Variants in CACNA2D3 observed in about 807,000 individuals in gnomAD.
CACNA2D3 encodes calcium voltage-gated channel auxiliary subunit alpha2delta 3.
Under a neutral mutation model 160.6 loss-of-function variants are expected in CACNA2D3, and 60 were observed. That is an observed-to-expected ratio of 0.37 (90% CI 0.30 to 0.46). The LOEUF (loss-of-function observed/expected upper bound fraction) is 0.46, where lower values mean the gene tolerates loss of function less well. Among genes scored for constraint, CACNA2D3 ranks in the 20% least tolerant of loss-of-function variants. The pLI is 1.00. For missense variants in CACNA2D3, 1,205 were observed against 1,365.0 expected (o/e 0.88, Z 1.85); for synonymous variants, 558 against 492.9 (o/e 1.13, Z -1.75).
At chr3:54,957,314 T>G (rs1701923872) in intron 27 of CACNA2D3, among the ~76,000 whole-genome samples, 2 of 148,322 alleles carry the variant, frequency 1.3e-5, no homozygotes, top group African/African-American at 5.3e-5. Flanking sequence ...ACTCAGCTAA[T>G]TTTTTAAAAC....
chr3:54,667,673 C>T (rs529834055), intron 11 of CACNA2D3, among the ~76,000 whole-genome samples: 272 of 152,212 alleles, frequency 1.8e-3, no homozygotes, highest in Non-Finnish European at 3.4e-3. Context: ...GGTCAGGTGC[C>T]GTGGCTCACG....
chr3:54,941,596 A>G (rs1356339811), intron 27 of CACNA2D3, among the ~76,000 whole-genome samples: 1 of 152,168 alleles, frequency 6.6e-6, no homozygotes, highest in Non-Finnish European at 1.5e-5. Context: ...TCCCCTCACA[A>G]TGCCCCATAT....
intron 17 of CACNA2D3, among the ~76,000 whole-genome samples, chr3:54,868,522 T>C (rs1333379505): frequency 6.6e-6 from 1 of 152,160 alleles, no homozygotes; most frequent in Non-Finnish European, 1.5e-5. Context: ...TGAGAGATTA[T>C]AAAAAACGAA....
intron 27 of CACNA2D3, among the ~76,000 whole-genome samples, chr3:54,937,243 T>G (rs1362267226): frequency 6.6e-6 from 1 of 152,194 alleles, no homozygotes; most frequent in Non-Finnish European, 1.5e-5. Context: ...AAGCTCTGTG[T>G]TTGGGAATGT....
At chr3:54,927,760 C>T (rs1291174250) in intron 27 of CACNA2D3, 1 of 876,526 alleles carries the variant, frequency 1.1e-6, no homozygotes, top group African/African-American at 1.7e-5. Flanking sequence ...AAACATAAAT[C>T]ATTCCATGCA....
chr3:55,071,029 T>C (rs976938575), intron 35 of CACNA2D3, among the ~76,000 whole-genome samples: 1 of 152,182 alleles, frequency 6.6e-6, no homozygotes, highest in African/African-American at 2.4e-5. Flanking sequence ...TCAGTTAGTA[T>C]ACTGTGATCA....
chr3:54,168,649 C>T (rs1700502468), intron 2 of CACNA2D3, among the ~76,000 whole-genome samples: 2 of 152,152 alleles, frequency 1.3e-5, no homozygotes, highest in African/African-American at 4.8e-5. Flanking sequence ...CTGTGGTTGG[C>T]CTAGGAGCAT....
rs371308549 is a variant in CACNA2D3 at position 54,459,041 on chromosome 3, C to T, written c.382-44451C>T. ...TGCGGTGTTTGGTTTTTCGTCCTTG[C>T]GATAGTTTACTGAGAATGATGATTT... On this transcript the variant is annotated intron_variant, in intron 4 of 37. Coordinates refer to ENST00000474759, the MANE Select transcript of CACNA2D3 (RefSeq NM_018398.3). 4.5e-3 allele frequency among the ~76,000 whole-genome samples: 683 copies of T among 152,028 alleles called. 5 individuals are homozygous for T. Among genetic ancestry groups the T allele is most frequent in the Non-Finnish European group, 7.6e-3 (520 of 67,978 alleles).
At chr3:54,528,614 T>TATTTCTTTTTTGGAAGGGTCA (rs1701761290) in intron 5 of CACNA2D3, among the ~76,000 whole-genome samples, 1 of 152,202 alleles carries the variant, frequency 6.6e-6, no homozygotes, top group Non-Finnish European at 1.5e-5. Context: ...GAACCTTACT[T>TATTTCTTTTTTGGAAGGGTCA]ATTTCTTTTT....
In CACNA2D3 at chr3:54,883,677, G is replaced by A. The variant is rs182848008; in HGVS notation, c.1913-1604G>A. 2.0e-5 allele frequency among the ~76,000 whole-genome samples: 3 copies of A among 152,190 alleles called. No individual in the cohort carries two copies. The East Asian group carries it at 5.8e-4, about 29-fold the overall frequency. ...TGGGAAGGTACAGTCCCTTCTCAGG[G>A]CCTTTGCACTTGTTATTCCTTCTGC... On this transcript the variant is annotated intron_variant, in intron 21 of 37. Coordinates refer to ENST00000474759, the MANE Select transcript of CACNA2D3 (RefSeq NM_018398.3).
intron 4 of CACNA2D3, among the ~76,000 whole-genome samples, chr3:54,470,247 A>G (rs990098062): frequency 1.3e-5 from 2 of 152,258 alleles, no homozygotes; most frequent in African/African-American, 2.4e-5. Flanking sequence ...CAGAAACCCT[A>G]TAAGCCAGAA....
At chr3:54,465,038 T>G (rs528375034) in intron 4 of CACNA2D3, among the ~76,000 whole-genome samples, 2 of 152,228 alleles carry the variant, frequency 1.3e-5, no homozygotes, top group Middle Eastern at 3.4e-3. Context: ...TTCTTTAATT[T>G]CTTTTCTTTT....
chr3:54,973,752 C>A (rs899374713), intron 29 of CACNA2D3, among the ~76,000 whole-genome samples: 1 of 152,110 alleles, frequency 6.6e-6, no homozygotes, highest in Admixed American at 6.5e-5. Flanking sequence ...CCTAGGTGAC[C>A]CCTCTGCAAT....
At chr3:54,877,390 G>A (rs1461677247) in intron 18 of CACNA2D3, among the ~76,000 whole-genome samples, 1 of 152,152 alleles carries the variant, frequency 6.6e-6, no homozygotes, top group Non-Finnish European at 1.5e-5. Flanking sequence ...GATGATGGAG[G>A]ATAGCTAGCA....
intron 2 of CACNA2D3, among the ~76,000 whole-genome samples, chr3:54,310,977 C>T (rs2107499286): frequency 6.6e-6 from 1 of 152,250 alleles, no homozygotes; most frequent in African/African-American, 2.4e-5. Flanking sequence ...GTCCCTGGTC[C>T]TCGGCACCAT....
At chr3:54,986,640 T>A (rs1056897295) in intron 30 of CACNA2D3, among the ~76,000 whole-genome samples, 1 of 152,178 alleles carries the variant, frequency 6.6e-6, no homozygotes, top group African/African-American at 2.4e-5. Flanking sequence ...GTGGTTGAGG[T>A]CACTCAGTTA....
At chr3:54,198,628 G>A (rs1046680598) in intron 2 of CACNA2D3, among the ~76,000 whole-genome samples, 3 of 152,256 alleles carry the variant, frequency 2.0e-5, no homozygotes, top group African/African-American at 7.2e-5. Flanking sequence ...GCCTCGTGTG[G>A]AATTGTTTAA....
chr3:54,423,355 A>G (rs1559477534), intron 4 of CACNA2D3, among the ~76,000 whole-genome samples: 1 of 152,230 alleles, frequency 6.6e-6, no homozygotes, highest in African/African-American at 2.4e-5. Context: ...ACTTGTTTAT[A>G]ATAGCTTGCA....
chr3:54,405,379 A>G (rs768173993), intron 4 of CACNA2D3, among the ~76,000 whole-genome samples: 1 of 152,020 alleles, frequency 6.6e-6, no homozygotes, highest in Non-Finnish European at 1.5e-5. Flanking sequence ...AGACACATAG[A>G]CTTGTAGAAT....
Sources: allele counts gnomAD v4.1 joint callset (sites outside exome capture counted in the v4.1 genomes callset), GRCh38; gene constraint gnomAD v4.1.1; transcripts MANE v1.5; gene names NCBI Gene and HGNC (gene_info 2026-07-23, HGNC 2026-07-21).